The following NPR3 variants were observed in gnomAD, a reference collection of about 807,000 sequenced individuals.
The protein encoded by NPR3 is atrial natriuretic peptide receptor 3.
In NPR3, 34 loss-of-function variants were observed where a neutral mutation model predicts 54.5. That is an observed-to-expected ratio of 0.62 (90% CI 0.47 to 0.83). The LOEUF (loss-of-function observed/expected upper bound fraction) is 0.83, where lower values mean the gene tolerates loss of function less well. Ranked by LOEUF, NPR3 falls within the 40% of genes least tolerant of loss-of-function variation. The pLI is 0.00. For synonymous variants in NPR3, 289 were observed against 297.1 expected, an observed-to-expected ratio of 0.97 and a Z score of 0.28; for missense variants, 674 against 720.8, an observed-to-expected ratio of 0.94 and a Z score of 0.74.
chr5:32,747,926 G>A lies in NPR3; in HGVS notation c.1059+8896G>A, dbSNP rs962965177. ...GTGCTTCCATGCCCAGCTTATTTTCGTATTTTTAGTAGAGACAGGGTTTCA... is the reference window on the plus strand; with the variant it reads ...GTGCTTCCATGCCCAGCTTATTTTCATATTTTTAGTAGAGACAGGGTTTCA... On this transcript the variant is annotated intron_variant, in intron 3 of 7. Transcript: ENST00000265074. Among the ~76,000 whole-genome samples, 16 of 151,884 alleles carry A rather than the reference G, an allele frequency of 1.1e-4. No individual in the cohort carries two copies. In the East Asian group the frequency reaches 2.9e-3, roughly 28 times the overall value.
chr5:32,759,163 A>G (rs1296257707), intron 3 of NPR3, among the ~76,000 whole-genome samples: 1 of 152,050 alleles, frequency 6.6e-6, no homozygotes, highest in African/African-American at 2.4e-5. Context: ...TATCCTTGTT[A>G]ACTTTCTGTC....
intron 1 of NPR3, among the ~76,000 whole-genome samples, chr5:32,698,943 G>T (rs186156962): frequency 8.3e-4 from 125 of 151,006 alleles, no homozygotes; most frequent in African/African-American, 3.0e-3. Context: ...TATGTCTTTT[G>T]ATTGGAAAGT....
At chr5:32,773,706 A>G (rs1325084851) in intron 3 of NPR3, among the ~76,000 whole-genome samples, 1 of 152,072 alleles carries the variant, frequency 6.6e-6, no homozygotes, top group East Asian at 1.9e-4. Flanking sequence ...TGGTATTTGT[A>G]CTGTATTCTG....
upstream of NPR3, among the ~76,000 whole-genome samples, chr5:32,706,429 C>T (rs1336324633): frequency 6.6e-6 from 1 of 152,218 alleles, no homozygotes; most frequent in Non-Finnish European, 1.5e-5. Context: ...AAAGCAGTGG[C>T]TACCAAGAGG....
At chr5:32,724,060 A>T (rs1412232027) in intron 1 of NPR3, among the ~76,000 whole-genome samples, 1 of 152,216 alleles carries the variant, frequency 6.6e-6, no homozygotes, top group Non-Finnish European at 1.5e-5. Flanking sequence ...ACTTCCTAAG[A>T]ACAAGAATGT....
chr5:32,713,358 C>A, intron 1 of NPR3: 1 of 985,420 alleles, frequency 1.0e-6, no homozygotes, highest in Non-Finnish European at 1.2e-6. Flanking sequence ...ACAAAGAGCT[C>A]GAGGCTGAGG....
intron 1 of NPR3, among the ~76,000 whole-genome samples, chr5:32,719,788 G>GTT (rs1383745599): frequency 3.2e-5 from 2 of 61,818 alleles, no homozygotes; most frequent in Admixed American, 1.4e-4. Context: ...TGTTGTTGTT[G>GTT]TTTTTTTTTT....
intron 1 of NPR3, among the ~76,000 whole-genome samples, chr5:32,724,336 T>C (rs995853336): frequency 2.0e-5 from 3 of 152,206 alleles, no homozygotes; most frequent in Non-Finnish European, 2.9e-5. Context: ...GTTCATAAAA[T>C]TGACCATTTT....
intron 2 of NPR3, among the ~76,000 whole-genome samples, chr5:32,730,901 T>C (rs914725991): frequency 2.6e-5 from 4 of 152,354 alleles, no homozygotes; most frequent in African/African-American, 4.8e-5. Context: ...TTTTCTTACA[T>C]TGAGGTTAAA....
chr5:32,741,647 C>G (rs1359191695), intron 3 of NPR3, among the ~76,000 whole-genome samples: 2 of 152,168 alleles, frequency 1.3e-5, no homozygotes, highest in Admixed American at 1.3e-4. Flanking sequence ...CCTATTAAAA[C>G]TGACTTTATA....
intron 4 of NPR3, among the ~76,000 whole-genome samples, chr5:32,776,545 T>C (rs746230790): frequency 2.0e-5 from 3 of 152,156 alleles, no homozygotes; most frequent in Non-Finnish European, 2.9e-5. Flanking sequence ...ACAGTGTATA[T>C]AAGAGTGCTA....
intron 2 of NPR3, among the ~76,000 whole-genome samples, chr5:32,735,958 C>T (rs560149081): frequency 6.6e-6 from 1 of 152,204 alleles, no homozygotes; most frequent in Non-Finnish European, 1.5e-5. Context: ...AGGCTGAGCT[C>T]GGTGGCTCAC....
chr5:32,719,639 G>T (rs1332410151), intron 1 of NPR3, among the ~76,000 whole-genome samples: 3 of 151,782 alleles, frequency 2.0e-5, no homozygotes, highest in Non-Finnish European at 4.4e-5. Context: ...TTTAATTCTG[G>T]GAATACTTCT....
chr5:32,728,835 G>GGA lies in NPR3; in HGVS notation c.892+4015_892+4016insGA, dbSNP rs1554014340. ...AATATTTGTGTGTGTGTGTGTGTGT[G>GGA]TGTATATATATATATATATATATAT... On this transcript the variant is annotated intron_variant, in intron 2 of 7. Transcript: ENST00000265074. Among the ~76,000 whole-genome samples the GGA allele has an allele frequency of 6.9e-3, 418 of 60,642 alleles. 6 individuals carry two copies. Among genetic ancestry groups the GGA allele is most frequent in the Middle Eastern group, 0.012 (1 of 84 alleles). 39.8% of individuals were successfully genotyped at this position (60,642 alleles called of 152,430 possible). A position where few individuals can be genotyped will look rare whatever the true frequency, so the allele number is the denominator to read the frequency against.
At chr5:32,694,498 A>G (rs999055584) in intron 1 of NPR3, among the ~76,000 whole-genome samples, 3 of 151,750 alleles carry the variant, frequency 2.0e-5, no homozygotes, top group African/African-American at 7.3e-5. Flanking sequence ...CTTTTTCTCA[A>G]CCTTATTGCT....
intron 3 of NPR3, among the ~76,000 whole-genome samples, chr5:32,771,017 A>AT (rs1414005795): frequency 3.3e-5 from 5 of 151,750 alleles, no homozygotes; most frequent in Admixed American, 3.3e-4. Flanking sequence ...TGGAGGGCCA[A>AT]TAGGAAGTGT....
intron 3 of NPR3, among the ~76,000 whole-genome samples, chr5:32,742,501 T>A (rs572379566): frequency 6.6e-6 from 1 of 152,168 alleles, no homozygotes; most frequent in South Asian, 2.1e-4. Context: ...TATAATTAAG[T>A]ATATGTATGC....
rs1490324083 is a variant in NPR3, at chr5:32,783,006, A to G, written c.1404A>G (p.Thr468=). The change falls in exon 6 of 8, where the codon ACA becomes ACG. Residue 468 remains threonine (T), a synonymous_variant. Transcript: ENST00000265074. The part of the protein sequence containing the change: ...RIDENRIVEH[T]NSSPCKSSGG... The stretch of plus-strand genomic sequence containing the variant: ...ATGAAAACCGAATTGTAGAGCATAC[A>G]AACAGCTCTCCCTGCAAATCATGTA... 3.1e-6 allele frequency: 5 copies of G among 1,603,278 alleles called. No individual in the cohort carries two copies. The highest frequency in any genetic ancestry group is 4.3e-6 in the Non-Finnish European group (5 of 1,174,162).
chr5:32,779,691 C>G (rs1742238276), intron 4 of NPR3, among the ~76,000 whole-genome samples: 2 of 152,324 alleles, frequency 1.3e-5, no homozygotes, highest in South Asian at 4.1e-4. Flanking sequence ...CCCACTCTTT[C>G]ACTGAGTCCT....
Sources: allele counts gnomAD v4.1 joint callset (sites outside exome capture counted in the v4.1 genomes callset), GRCh38; gene constraint gnomAD v4.1.1; transcripts MANE v1.5; gene names NCBI Gene and HGNC (gene_info 2026-07-23, HGNC 2026-07-21).